Variants in CTIF observed in about 807,000 individuals in gnomAD.
CTIF encodes CBP80/20-dependent translation initiation factor.
CTIF carries 21 observed loss-of-function variants against 66.0 expected under a neutral mutation model. The observed-to-expected ratio is 0.32, with a 90% CI of 0.23 to 0.46. The LOEUF (loss-of-function observed/expected upper bound fraction) is 0.46, where lower values mean the gene tolerates loss of function less well. Among genes scored for constraint, CTIF ranks in the 20% least tolerant of loss-of-function variants. The probability of loss-of-function intolerance (pLI) is 1.00; values close to 1 mark genes in which losing one functional copy is unlikely to be tolerated. For missense variants in CTIF, 739 were observed against 812.7 expected, an observed-to-expected ratio of 0.91 and a Z score of 1.10; for synonymous variants, 345 against 326.4, an observed-to-expected ratio of 1.06 and a Z score of -0.62.
At chr18:48,636,049 G>A (rs983313533) in intron 2 of CTIF, among the ~76,000 whole-genome samples, 3 of 152,208 alleles carry the variant, frequency 2.0e-5, no homozygotes, top group African/African-American at 7.2e-5. Context: ...CGTGCAGATG[G>A]TTGTCAGACC....
chr18:48,599,313 A>G (rs887299708), intron 1 of CTIF, among the ~76,000 whole-genome samples: 47 of 150,242 alleles, frequency 3.1e-4, no homozygotes, highest in Admixed American at 1.8e-3. Context: ...CAACCTTTAC[A>G]TTTTTCCTCT....
chr18:48,676,886 A>T (rs1598850495), intron 6 of CTIF, among the ~76,000 whole-genome samples: 1 of 152,146 alleles, frequency 6.6e-6, no homozygotes. Context: ...GCTCCATGAA[A>T]TGACACTCAG....
rs557915427 is a variant in CTIF at position 48,700,257 on chromosome 18, T to C, written c.508-11362T>C. Reference sequence around the variant, plus strand: ...ATGTAAGATGTGACTTTGTTCGTCCTTTGCCTTCTGCCATAATTGTGAGGC... The same window carrying C: ...ATGTAAGATGTGACTTTGTTCGTCCCTTGCCTTCTGCCATAATTGTGAGGC... On this transcript the variant is annotated intron_variant, in intron 6 of 11. Transcript: ENST00000256413. Among the ~76,000 whole-genome samples, 57 of 152,360 alleles carry C rather than the reference T, an allele frequency of 3.7e-4. No individual in the cohort carries two copies. In the Middle Eastern group the frequency reaches 0.014, roughly 36 times the overall value.
At chr18:48,818,092 C>G (rs2068407420) in intron 10 of CTIF, among the ~76,000 whole-genome samples, 2 of 152,194 alleles carry the variant, frequency 1.3e-5, no homozygotes, top group South Asian at 4.1e-4. Flanking sequence ...CAAGAATGAC[C>G]AAGGAACTTT....
intron 9 of CTIF, among the ~76,000 whole-genome samples, chr18:48,781,652 C>T (rs1015313421): frequency 6.6e-6 from 1 of 152,080 alleles, no homozygotes; most frequent in Admixed American, 6.6e-5. Flanking sequence ...AGAGAAGACA[C>T]GTGGCCCTCC....
chr18:48,776,513 G>A (rs532871065), intron 9 of CTIF, among the ~76,000 whole-genome samples: 47 of 152,250 alleles, frequency 3.1e-4, no homozygotes, highest in Non-Finnish European at 5.9e-4. Flanking sequence ...CTCAAGTGGT[G>A]GAGCAGGAGG....
intron 9 of CTIF, among the ~76,000 whole-genome samples, chr18:48,769,386 C>T (rs35073433): frequency 0.081 from 12,364 of 152,304 alleles, 859 homozygotes; most frequent in African/African-American, 0.19. Flanking sequence ...GCAGGCTGCA[C>T]GGAAGCTTGC....
intron 7 of CTIF, among the ~76,000 whole-genome samples, chr18:48,735,946 G>A (rs565361896): frequency 5.7e-4 from 87 of 152,248 alleles, no homozygotes; most frequent in African/African-American, 1.9e-3. Context: ...CATGGGAAGC[G>A]GAGGAGTTGG....
rs2091731006 is a variant in CTIF at position 48,681,022 on chromosome 18, G to A, written c.507+10278G>A. On this transcript the variant is annotated intron_variant, in intron 6 of 11. Coordinates refer to ENST00000256413, the MANE Select transcript of CTIF (RefSeq NM_014772.3). ...ATTTGTGAATGGGCCTCGGCTCCCA[G>A]GCTGACCCGCCGGCAGGCGGCCCCC... 1.3e-5 allele frequency among the ~76,000 whole-genome samples: 2 copies of A among 152,234 alleles called. 1 individual carries two copies. The highest frequency in any genetic ancestry group is 4.8e-5 in the African/African-American group (2 of 41,462).
At chr18:48,775,264 A>G (rs1910562653) in intron 9 of CTIF, among the ~76,000 whole-genome samples, 1 of 152,226 alleles carries the variant, frequency 6.6e-6, no homozygotes. Context: ...TATCATTGTT[A>G]AAATCCACTG....
intron 9 of CTIF, among the ~76,000 whole-genome samples, chr18:48,805,141 T>A (rs1409187537): frequency 2.0e-5 from 3 of 152,212 alleles, no homozygotes; most frequent in Non-Finnish European, 4.4e-5. Flanking sequence ...TCACAGTGTC[T>A]GTGGGTTCCA....
intron 9 of CTIF, among the ~76,000 whole-genome samples, chr18:48,784,297 C>A (rs1911517388): frequency 1.3e-5 from 2 of 152,156 alleles, no homozygotes; most frequent in Admixed American, 6.5e-5. Context: ...GGGTGCCAAA[C>A]AAAGAAACGT....
chr18:48,743,993 CT>C (rs2092575389), intron 7 of CTIF, among the ~76,000 whole-genome samples: 1 of 152,196 alleles, frequency 6.6e-6, no homozygotes. Flanking sequence ...AGGCCCACCC[CT>C]GAGAGGAGGG....
rs2069480129 is a variant in CTIF at position 48,861,981 on chromosome 18, ACAC to A, written c.*2423_*2425del. ...CGCTTCCTAGCCAATCTGAACAACA[ACAC>A]TTTAAGCTGTTTTTCTAAATGCAGG... On this transcript the variant is annotated 3_prime_UTR_variant, in exon 12 of 12. Coordinates refer to ENST00000256413, the MANE Select transcript of CTIF (RefSeq NM_014772.3). The A allele has an allele frequency of 6.6e-6, 1 of 151,790 alleles. No homozygotes were observed. Among genetic ancestry groups the A allele is most frequent in the African/African-American group, 2.4e-5 (1 of 41,104 alleles). The allele number at this position is 151,790 out of a possible 1,614,324, so 9.4% of individuals were successfully genotyped here.
At chr18:48,717,446 T>TA (rs758340271) in intron 7 of CTIF, among the ~76,000 whole-genome samples, 7 of 147,738 alleles carry the variant, frequency 4.7e-5, no homozygotes, top group Non-Finnish European at 1.1e-4. Flanking sequence ...AATAAATAAA[T>TA]AATAAGAATT....
At chr18:48,662,467 G>C (rs1447319303) in intron 3 of CTIF, 1 of 152,176 alleles carries the variant, frequency 6.6e-6, no homozygotes, top group South Asian at 2.1e-4. Flanking sequence ...GACAGCCCAG[G>C]TGGTTCTCCC....
chr18:48,817,226 C>T lies in CTIF; in HGVS notation c.1377C>T (p.Asp459=). 6.2e-7 allele frequency: 1 copy of T among 1,613,476 alleles called. No individual in the cohort carries two copies. Among genetic ancestry groups the T allele is most frequent in the East Asian group, 2.2e-5 (1 of 44,888 alleles). Residue 459 remains aspartate, a synonymous_variant, in exon 10 of 12, where the codon GAC becomes GAT. Transcript: ENST00000256413. The stretch of plus-strand genomic sequence containing the variant: ...GGTCTCTCATGCCTCCACAGAAGGA[C>T]TTCACGGTGCGCGAGGAGCTGCAGC... The part of the protein sequence containing the change: ...RSLLLNMLQK[D]FTVREELQQQ...
chr18:48,693,275 G>A (rs1163094568), intron 6 of CTIF, among the ~76,000 whole-genome samples: 1 of 152,120 alleles, frequency 6.6e-6, no homozygotes, highest in African/African-American at 2.4e-5. Flanking sequence ...CCCACAAGAG[G>A]AAAAAGAAAT....
intron 6 of CTIF, among the ~76,000 whole-genome samples, chr18:48,699,247 G>A (rs925138361): frequency 6.6e-6 from 1 of 152,166 alleles, no homozygotes; most frequent in East Asian, 1.9e-4. Flanking sequence ...TTCTGCCCTT[G>A]AGCAGGTTCA....
Sources: allele counts gnomAD v4.1 joint callset (sites outside exome capture counted in the v4.1 genomes callset), GRCh38; gene constraint gnomAD v4.1.1; transcripts MANE v1.5; gene names NCBI Gene and HGNC (gene_info 2026-07-23, HGNC 2026-07-21).